NR1H4: variants seen among roughly 807,000 people sequenced by gnomAD.
The protein encoded by NR1H4 is nuclear receptor subfamily 1 group H member 4.
In NR1H4, 23 loss-of-function variants were observed where a neutral mutation model predicts 58.5. That is an observed-to-expected ratio of 0.39 (90% CI 0.28 to 0.56). The LOEUF is 0.56. Ranked by LOEUF, NR1H4 falls within the 20% of genes least tolerant of loss-of-function variation. The probability of loss-of-function intolerance (pLI) is 0.58; values close to 1 mark genes in which losing one functional copy is unlikely to be tolerated. For missense variants in NR1H4, 487 were observed against 576.9 expected (o/e 0.84, Z 1.60); for synonymous variants, 214 against 198.0 (o/e 1.08, Z -0.68).
Position 100,506,036 on chromosome 12 carries a change from CACACACAGAG to C in NR1H4, c.80-4740_80-4731del, listed in dbSNP as rs549357323. Among the ~76,000 whole-genome samples, 1,282 of 134,716 alleles carry C rather than the reference CACACACAGAG, an allele frequency of 9.5e-3. 8 individuals carry two copies. Among genetic ancestry groups the C allele is most frequent in the Middle Eastern group, 0.021 (6 of 282 alleles). The allele number at this position is 134,716 out of a possible 152,430, so 88.4% of individuals were successfully genotyped here. ...ACACACACACACACACACACACACA[CACACACAGAG>C]AGAGAGAGAGAACATGAGCATATGT... On this transcript the variant is annotated intron_variant, in intron 3 of 10. Transcript: ENST00000392986.
chr12:100,500,785 C>T (rs530702995), intron 3 of NR1H4, among the ~76,000 whole-genome samples: 6 of 152,274 alleles, frequency 3.9e-5, no homozygotes, highest in African/African-American at 1.2e-4. Context: ...TGCTTTGCTG[C>T]CCTTTCACCT....
chr12:100,539,968 T>C (rs1307496881), intron 8 of NR1H4, among the ~76,000 whole-genome samples: 1 of 152,148 alleles, frequency 6.6e-6, no homozygotes, highest in Non-Finnish European at 1.5e-5. Context: ...AAGAGGCTTG[T>C]GTGTTCACAG....
At chr12:100,485,620 C>T (rs1421196470) in intron 1 of NR1H4, among the ~76,000 whole-genome samples, 1 of 152,030 alleles carries the variant, frequency 6.6e-6, no homozygotes, top group Non-Finnish European at 1.5e-5. Flanking sequence ...GCAACCTCCA[C>T]TTCCTGGGTT....
chr12:100,543,701 G>A (rs1954991357), intron 9 of NR1H4, among the ~76,000 whole-genome samples: 1 of 151,982 alleles, frequency 6.6e-6, no homozygotes, highest in African/African-American at 2.4e-5. Context: ...GGGTGGTTTA[G>A]CTAGTCACTA....
At chr12:100,528,522 A>G (rs1954617078) in intron 4 of NR1H4, among the ~76,000 whole-genome samples, 2 of 152,186 alleles carry the variant, frequency 1.3e-5, no homozygotes. Context: ...AACCCTGTCT[A>G]CTTATCCTGT....
Position 100,493,355 on chromosome 12 carries a change from C to T in NR1H4, c.32C>T (p.Ser11Phe), listed in dbSNP as rs769802044. 25 of 1,578,752 alleles carry T rather than the reference C, an allele frequency of 1.6e-5. No individual in the cohort carries two copies. The highest frequency in any genetic ancestry group is 3.4e-5 in the Admixed American group (2 of 58,520). The change falls in exon 3 of 11, where the codon TCC becomes TTC. Residue 11 changes from serine to phenylalanine, a missense_variant. By Grantham distance (155) the Ser-to-Phe change is radical. Transcript: ENST00000392986. ...TCAAAAATGAATCTCATTGAACATT[C>T]CCATTTACCTACCACAGATGAATTT... Reference protein sequence around the residue: MGSKMNLIEHSHLPTTDEFSF... With the variant: MGSKMNLIEHFHLPTTDEFSF...
chr12:100,488,074 C>A (rs1953532384), intron 1 of NR1H4, among the ~76,000 whole-genome samples: 1 of 151,368 alleles, frequency 6.6e-6, no homozygotes, highest in African/African-American at 2.4e-5. Context: ...AATTTTGGGT[C>A]ACTGCAACTT....
At chr12:100,526,666 C>T (rs1021917475) in intron 4 of NR1H4, among the ~76,000 whole-genome samples, 1 of 152,268 alleles carries the variant, frequency 6.6e-6, no homozygotes, top group African/African-American at 2.4e-5. Flanking sequence ...GGACATCTTA[C>T]CCCAGGGTTT....
rs76198224 is a variant in NR1H4 at position 100,503,618 on chromosome 12, C to T, written c.80-7160C>T. 6.0e-3 allele frequency: 5,763 copies of T among 956,416 alleles called. 26 individuals are homozygous for T. Among genetic ancestry groups the T allele is most frequent in the Non-Finnish European group, 7.1e-3 (4,883 of 687,616 alleles). 59.2% of individuals were successfully genotyped at this position (956,416 alleles called of 1,614,324 possible). A position where few individuals can be genotyped will look rare whatever the true frequency, so the allele number is the denominator to read the frequency against. ...GTCAAAGATAGTGGCTCAGTCAGACCCAGAAGACTGGAATGAGAGTTTGGG... is the reference window on the plus strand; with the variant it reads ...GTCAAAGATAGTGGCTCAGTCAGACTCAGAAGACTGGAATGAGAGTTTGGG... On this transcript the variant is annotated intron_variant, in intron 3 of 10. Transcript: ENST00000392986.
intron 4 of NR1H4, among the ~76,000 whole-genome samples, chr12:100,528,421 G>A (rs1033632703): frequency 1.7e-4 from 25 of 151,152 alleles, no homozygotes; most frequent in Non-Finnish European, 3.7e-4. Context: ...CTGCAGAATC[G>A]AGGAATCCAT....
At chr12:100,492,956 T>A (rs1358292297) in intron 2 of NR1H4, among the ~76,000 whole-genome samples, 1 of 152,126 alleles carries the variant, frequency 6.6e-6, no homozygotes, top group Non-Finnish European at 1.5e-5. Flanking sequence ...TTTTTTCTAA[T>A]AAAGACATAG....
chr12:100,562,484 CATA>C (rs1371045176), intron 10 of NR1H4, among the ~76,000 whole-genome samples: 1 of 151,986 alleles, frequency 6.6e-6, no homozygotes, highest in East Asian at 1.9e-4. Flanking sequence ...TACTTTTTAA[CATA>C]ATAAGGAACT....
intron 1 of NR1H4, among the ~76,000 whole-genome samples, chr12:100,484,045 T>C (rs1015982450): frequency 1.3e-5 from 2 of 151,798 alleles, no homozygotes; most frequent in African/African-American, 4.8e-5. Context: ...TAAGGCTTCC[T>C]CTGAGCATAA....
intron 3 of NR1H4, 141 bp downstream of exon 3, chr12:100,493,543 C>A: frequency 1.6e-6 from 1 of 640,518 alleles, no homozygotes; most frequent in South Asian, 1.8e-5. Context: ...ATGTTAGCTA[C>A]TCTGCAAGGT....
chr12:100,498,657 A>G (rs926145945), intron 3 of NR1H4, among the ~76,000 whole-genome samples: 4 of 152,086 alleles, frequency 2.6e-5, no homozygotes, highest in African/African-American at 4.8e-5. Context: ...ACACCAAAAA[A>G]CAAAAACAAA....
At chr12:100,478,940 A>G (rs1333833230) in intron 1 of NR1H4, among the ~76,000 whole-genome samples, 1 of 152,134 alleles carries the variant, frequency 6.6e-6, no homozygotes, top group South Asian at 2.1e-4. Context: ...CATAGGTGAA[A>G]ATGGTATTTA....
At position 100,493,272 on chromosome 12, in the gene NR1H4, GT is replaced by G. The variant is rs1179070617; in HGVS notation, c.-44del. 53 of 899,134 alleles carry G rather than the reference GT, an allele frequency of 5.9e-5. No homozygotes were observed. The highest frequency in any genetic ancestry group is 7.5e-5 in the Non-Finnish European group (41 of 546,986). The allele number at this position is 899,134 out of a possible 1,614,324, so 55.7% of individuals were successfully genotyped here. On this transcript the variant is annotated 5_prime_UTR_variant, in exon 3 of 11. The change abolishes the stop of an existing upstream ORF in the 5' untranslated region. Transcript: ENST00000392986. ...CAAACTATTTATTTTCCTTTCAGGA[GT>G]TTTTTTTGAAGACCACCATAAAGAA...
intron 3 of NR1H4, chr12:100,505,966 C>G: frequency 4.1e-6 from 1 of 242,422 alleles, no homozygotes; most frequent in South Asian, 5.9e-5. Flanking sequence ...TATGTTCAGA[C>G]CCTAACACAG....
At chr12:100,507,048 A>C (rs753715164) in intron 3 of NR1H4, among the ~76,000 whole-genome samples, 1 of 152,182 alleles carries the variant, frequency 6.6e-6, no homozygotes, top group Non-Finnish European at 1.5e-5. Flanking sequence ...GAATTGTCAT[A>C]TGAGGAGAAA....
Sources: gnomAD v4.1 joint callset for allele counts (sites outside exome capture counted in the v4.1 genomes callset) on GRCh38, gnomAD v4.1.1 for gene constraint, MANE v1.5 for transcripts, NCBI Gene and HGNC (gene_info 2026-07-23, HGNC 2026-07-21) for gene names.